CHST8: variants seen among roughly 807,000 people sequenced by gnomAD.
CHST8 encodes the protein carbohydrate sulfotransferase 8, also known as GALNAC-4-ST1.
A neutral mutation model predicts 15.0 loss-of-function variants in CHST8; 10 were observed. The observed-to-expected ratio is 0.67, with a 90% CI of 0.41 to 1.13. CHST8 has a LOEUF of 1.13. CHST8 is among the 50% of genes most tolerant of loss of function. The pLI is 0.00. For missense variants in CHST8, 634 were observed against 608.2 expected, an observed-to-expected ratio of 1.04 and a Z score of -0.45; for synonymous variants, 259 against 256.6, an observed-to-expected ratio of 1.01 and a Z score of -0.09.
At chr19:33,732,972 G>A (rs944029932) in intron 3 of CHST8, among the ~76,000 whole-genome samples, 2 of 152,140 alleles carry the variant, frequency 1.3e-5, no homozygotes, top group Non-Finnish European at 2.9e-5. Context: ...TATTAGGATT[G>A]CATTATGAAT....
chr19:33,623,206 G>T (rs1050300226), intron 1 of CHST8, among the ~76,000 whole-genome samples: 1 of 152,226 alleles, frequency 6.6e-6, no homozygotes, highest in Non-Finnish European at 1.5e-5. Context: ...AGTTGAAGCG[G>T]CTGCGGCGCC....
At chr19:33,670,218 T>C (rs993572034) in intron 2 of CHST8, among the ~76,000 whole-genome samples, 3 of 152,186 alleles carry the variant, frequency 2.0e-5, no homozygotes, top group African/African-American at 7.2e-5. Context: ...AAAACCCCAA[T>C]GCATTGAGTG....
At chr19:33,632,502 C>G (rs1454006229) in intron 1 of CHST8, among the ~76,000 whole-genome samples, 1 of 152,068 alleles carries the variant, frequency 6.6e-6, no homozygotes. Flanking sequence ...TCTTCTTGTC[C>G]TGCATGCACC....
At chr19:33,744,537 A>ATG (rs1974273394) in intron 3 of CHST8, 1 of 151,834 alleles carries the variant, frequency 6.6e-6, no homozygotes, top group Non-Finnish European at 1.5e-5. Flanking sequence ...ACCCTTCAGA[A>ATG]GCTGGATACT....
chr19:33,766,805 G>A (rs1189380282), intron 3 of CHST8, among the ~76,000 whole-genome samples: 1 of 152,236 alleles, frequency 6.6e-6, no homozygotes, highest in Non-Finnish European at 1.5e-5. Flanking sequence ...GGCAATGGAA[G>A]TGGACGTGGA....
chr19:33,748,418 C>A (rs771973855), intron 3 of CHST8, among the ~76,000 whole-genome samples: 7 of 152,252 alleles, frequency 4.6e-5, no homozygotes, highest in Non-Finnish European at 7.3e-5. Context: ...GCTACCCGCT[C>A]GTTGGTGCCA....
intron 3 of CHST8, among the ~76,000 whole-genome samples, chr19:33,768,020 C>T (rs1321901345): frequency 1.3e-5 from 2 of 152,180 alleles, no homozygotes; most frequent in African/African-American, 4.8e-5. Context: ...TCCTCGTGAG[C>T]CCTTAGCTGT....
At chr19:33,677,779 CT>C (rs1972829016) in intron 2 of CHST8, among the ~76,000 whole-genome samples, 1 of 152,232 alleles carries the variant, frequency 6.6e-6, no homozygotes, top group Admixed American at 6.5e-5. Context: ...AGCCGTTAGT[CT>C]CTGGAACACA....
intron 3 of CHST8, among the ~76,000 whole-genome samples, chr19:33,742,014 A>G (rs1974203024): frequency 6.6e-6 from 1 of 152,154 alleles, no homozygotes; most frequent in South Asian, 2.1e-4. Flanking sequence ...ATCAGGGTGC[A>G]ATGGCAACAC....
In CHST8 at chr19:33,772,484, T is replaced by C. The variant is rs1975014936; in HGVS notation, c.696T>C (p.Ala232=). ...IQHNTVHYGS[A]LKRLDTFDRQ... The stretch of plus-strand genomic sequence containing the variant: ...ACAACACCGTCCACTATGGCAGCGC[T>C]CTCAAGCGCCTGGACACCTTCGACC... Residue 232 remains alanine, a synonymous_variant, in exon 5 of 5, where the codon GCT becomes GCC. Coordinates refer to ENST00000650847, the MANE Select transcript of CHST8 (RefSeq NM_001127895.2). 2.5e-6 allele frequency: 4 copies of C among 1,613,398 alleles called. No individual in the cohort carries two copies. The highest frequency in any genetic ancestry group is 2.5e-6 in the Non-Finnish European group (3 of 1,180,006).
At chr19:33,733,914 G>A (rs544535668) in intron 3 of CHST8, among the ~76,000 whole-genome samples, 105 of 152,290 alleles carry the variant, frequency 6.9e-4, no homozygotes, top group African/African-American at 1.6e-3. Flanking sequence ...AACTTCCGTC[G>A]TTGATCTGTG....
chr19:33,748,937 C>T (rs762250553), intron 3 of CHST8, among the ~76,000 whole-genome samples: 4 of 152,122 alleles, frequency 2.6e-5, no homozygotes, highest in Non-Finnish European at 5.9e-5. Context: ...CGGAGGAGAG[C>T]CTCAAGGAGT....
chr19:33,678,914 T>C (rs866210773), intron 2 of CHST8, among the ~76,000 whole-genome samples: 11 of 152,308 alleles, frequency 7.2e-5, no homozygotes, highest in Middle Eastern at 3.4e-3. Context: ...TCCTTTCACC[T>C]TCGTTGTCCT....
chr19:33,644,778 A>G (rs2145204240), intron 1 of CHST8, among the ~76,000 whole-genome samples: 1 of 152,246 alleles, frequency 6.6e-6, no homozygotes, highest in Non-Finnish European at 1.5e-5. Flanking sequence ...GTAGTGTTAG[A>G]ATGTGGCACT....
At chr19:33,725,257 T>A (rs998913886) in intron 3 of CHST8, among the ~76,000 whole-genome samples, 8 of 151,962 alleles carry the variant, frequency 5.3e-5, no homozygotes, top group Non-Finnish European at 1.0e-4. Flanking sequence ...TCTCCTTGGC[T>A]CCTGACTGAT....
intron 1 of CHST8, among the ~76,000 whole-genome samples, chr19:33,623,019 C>T (rs1277926749): frequency 6.6e-6 from 1 of 152,188 alleles, no homozygotes; most frequent in African/African-American, 2.4e-5. Context: ...ACCGACTCTG[C>T]AGACCCGCTC....
intron 3 of CHST8, among the ~76,000 whole-genome samples, chr19:33,694,181 T>C (rs1973160286): frequency 3.9e-5 from 1 of 25,954 alleles, no homozygotes; most frequent in East Asian, 7.7e-4. Context: ...TATATATATA[T>C]ATATATATAT....
chr19:33,706,022 GA>G (rs1973438584), intron 3 of CHST8, among the ~76,000 whole-genome samples: 1 of 152,176 alleles, frequency 6.6e-6, no homozygotes, highest in Non-Finnish European at 1.5e-5. Flanking sequence ...TTTTATAGAT[GA>G]AAAAACTGAA....
chr19:33,683,057 T>G (rs1318683336), intron 2 of CHST8, among the ~76,000 whole-genome samples: 2 of 152,142 alleles, frequency 1.3e-5, no homozygotes, highest in Admixed American at 1.3e-4. Flanking sequence ...TCCTAGACTC[T>G]TTTAAACAGT....
Sources: allele counts gnomAD v4.1 joint callset (sites outside exome capture counted in the v4.1 genomes callset), GRCh38; gene constraint gnomAD v4.1.1; transcripts MANE v1.5; gene names NCBI Gene and HGNC (gene_info 2026-07-23, HGNC 2026-07-21).